Variants in CADPS observed in about 807,000 individuals in gnomAD.
The protein encoded by CADPS is calcium dependent secretion activator.
CADPS carries 57 observed loss-of-function variants against 167.3 expected under a neutral mutation model. The observed-to-expected ratio is 0.34, with a 90% CI of 0.28 to 0.42. CADPS has a LOEUF of 0.42. Ranked by LOEUF, CADPS falls within the 20% of genes least tolerant of loss-of-function variation. CADPS has a pLI of 1.00. For synonymous variants in CADPS, 676 were observed against 635.3 expected (o/e 1.06, Z -0.96); for missense variants, 1,414 against 1,738.1 (o/e 0.81, Z 3.32).
intron 17 of CADPS, among the ~76,000 whole-genome samples, chr3:62,504,786 T>C (rs977141565): frequency 6.6e-6 from 1 of 152,158 alleles, no homozygotes; most frequent in Non-Finnish European, 1.5e-5. Flanking sequence ...GAGTTAAATG[T>C]GACTGCAGAA....
intron 1 of CADPS, among the ~76,000 whole-genome samples, chr3:62,788,438 C>T (rs765815664): frequency 1.9e-4 from 29 of 152,290 alleles, no homozygotes; most frequent in Non-Finnish European, 2.9e-4. Flanking sequence ...GAAAGCTACA[C>T]ACTTCTCAAT....
intron 13 of CADPS, among the ~76,000 whole-genome samples, chr3:62,521,657 C>A (rs943036634): frequency 5.9e-5 from 9 of 152,184 alleles, no homozygotes; most frequent in African/African-American, 1.9e-4. Flanking sequence ...ACACAGAACA[C>A]CTGCCTAGAA....
intron 1 of CADPS, among the ~76,000 whole-genome samples, chr3:62,844,332 G>A (rs2077071300): frequency 6.6e-6 from 1 of 152,190 alleles, no homozygotes; most frequent in Non-Finnish European, 1.5e-5. Flanking sequence ...CCATCTGGTT[G>A]AGAACAAGAA....
intron 28 of CADPS, among the ~76,000 whole-genome samples, chr3:62,409,565 T>C (rs1475861712): frequency 6.6e-6 from 1 of 152,170 alleles, no homozygotes; most frequent in Non-Finnish European, 1.5e-5. Flanking sequence ...AAGAAAAAGG[T>C]GAATGAGTCC....
At chr3:62,497,979 A>C (rs979391002) in intron 18 of CADPS, among the ~76,000 whole-genome samples, 1 of 152,158 alleles carries the variant, frequency 6.6e-6, no homozygotes, top group African/African-American at 2.4e-5. Context: ...CCTGCCGTGG[A>C]GGGTCACCCA....
chr3:62,549,743 C>CT (rs934231706), intron 11 of CADPS, among the ~76,000 whole-genome samples, 160 bp downstream of exon 11: 1 of 152,134 alleles, frequency 6.6e-6, no homozygotes, highest in African/African-American at 2.4e-5. Flanking sequence ...TTACTTTCAT[C>CT]TAACATTTGC....
chr3:62,502,355 T>C (rs550475997), intron 17 of CADPS, among the ~76,000 whole-genome samples: 5 of 152,208 alleles, frequency 3.3e-5, no homozygotes, highest in African/African-American at 7.2e-5. Context: ...ATTACAATAT[T>C]CCTATCCCCC....
At chr3:62,664,008 A>G (rs1395847425) in intron 3 of CADPS, among the ~76,000 whole-genome samples, 1 of 152,030 alleles carries the variant, frequency 6.6e-6, no homozygotes, top group Admixed American at 6.6e-5. Context: ...CAACTCAACT[A>G]TTTATTTTTT....
rs1450553715 is a variant in CADPS, at chr3:62,602,749, C to G, written c.1326-10001G>C. On this transcript the variant is annotated intron_variant, in intron 6 of 29. Transcript: ENST00000383710. The surrounding 1 kb of genome is among the most constrained non-coding windows in gnomAD (Gnocchi z 4.4). ...TTGGTTTGCCTCCTTGACATTTCCA[C>G]TGGAACGTCTCCTCTCCAGGAGTCT... Among the ~76,000 whole-genome samples the G allele has an allele frequency of 6.6e-6, 1 of 152,154 alleles. No individual in the cohort carries two copies. The highest frequency in any genetic ancestry group is 1.5e-5 in the Non-Finnish European group (1 of 68,028).
At chr3:62,492,150 T>G (rs2063852545) in intron 20 of CADPS, 140 bp downstream of exon 20, 3 of 726,258 alleles carry the variant, frequency 4.1e-6, no homozygotes, top group Non-Finnish European at 7.0e-6. Context: ...TGTATGTTTC[T>G]TTTTGGGGGG....
At chr3:62,824,955 A>G (rs895606413) in intron 1 of CADPS, among the ~76,000 whole-genome samples, 3 of 152,154 alleles carry the variant, frequency 2.0e-5, no homozygotes, top group African/African-American at 7.2e-5. Flanking sequence ...TCAGCTTTAC[A>G]TACCAACACA....
chr3:62,443,976 G>C (rs936986083), intron 27 of CADPS, among the ~76,000 whole-genome samples: 10 of 152,124 alleles, frequency 6.6e-5, no homozygotes, highest in Non-Finnish European at 1.0e-4. Context: ...GGAATTATTA[G>C]ATCGAATCAT....
At chr3:62,794,335 C>T (rs567421615) in intron 1 of CADPS, among the ~76,000 whole-genome samples, 4 of 152,296 alleles carry the variant, frequency 2.6e-5, no homozygotes, top group African/African-American at 9.6e-5. Flanking sequence ...GTATGAACTG[C>T]TCCTTTAAGC....
intron 6 of CADPS, among the ~76,000 whole-genome samples, chr3:62,633,311 C>T (rs1172860041): frequency 1.3e-5 from 2 of 152,174 alleles, no homozygotes; most frequent in Non-Finnish European, 2.9e-5. Context: ...CTGGTGTCCC[C>T]ACTCCCATTG....
intron 13 of CADPS, among the ~76,000 whole-genome samples, chr3:62,530,340 G>T (rs985581458): frequency 6.6e-6 from 1 of 151,992 alleles, no homozygotes; most frequent in Non-Finnish European, 1.5e-5. Context: ...GACTTGGTAA[G>T]GTACCAGGCC....
rs1404364296 is a variant in CADPS, at chr3:62,514,010, G to T, written c.2582-1242C>A. Among the ~76,000 whole-genome samples, 3 of 151,870 alleles carry T rather than the reference G, an allele frequency of 2.0e-5. No homozygotes were observed. Among genetic ancestry groups the T allele is most frequent in the African/African-American group, 7.3e-5 (3 of 41,354 alleles). On this transcript the variant is annotated intron_variant, in intron 16 of 29. Coordinates refer to ENST00000383710, the MANE Select transcript of CADPS (RefSeq NM_003716.4). The surrounding 1 kb of genome is among the most constrained non-coding windows in gnomAD (Gnocchi z 4.2). ...GGAAACAAAATTTCATTGATTTAAG[G>T]CTCCAAGATACTAAGGATTTAAGAC...
chr3:62,537,319 A>C (rs2074882782), intron 11 of CADPS, among the ~76,000 whole-genome samples: 1 of 152,204 alleles, frequency 6.6e-6, no homozygotes, highest in South Asian at 2.1e-4. Context: ...CAATGTATTC[A>C]CACTTTTCCT....
intron 1 of CADPS, among the ~76,000 whole-genome samples, chr3:62,833,937 G>A (rs756037856): frequency 6.6e-6 from 1 of 152,122 alleles, no homozygotes; most frequent in East Asian, 1.9e-4. Flanking sequence ...ACACATACAT[G>A]TGCATTTATA....
chr3:62,628,752 G>A (rs984211377), intron 6 of CADPS, among the ~76,000 whole-genome samples: 1 of 151,030 alleles, frequency 6.6e-6, no homozygotes, highest in Non-Finnish European at 1.5e-5. Flanking sequence ...TCAGCCTCCC[G>A]AATAGCTGGG....
Sources: allele counts gnomAD v4.1 joint callset (sites outside exome capture counted in the v4.1 genomes callset), GRCh38; gene constraint gnomAD v4.1.1; non-coding constraint Gnocchi (gnomAD v3.1); transcripts MANE v1.5; gene names NCBI Gene and HGNC (gene_info 2026-07-23, HGNC 2026-07-21).